Variants in KIF26B observed in about 807,000 individuals in gnomAD.
The protein encoded by KIF26B is kinesin family member 26B, also known as kinesin-like protein KIF26B.
KIF26B carries 63 observed loss-of-function variants against 151.2 expected under a neutral mutation model. The ratio of observed to expected loss-of-function variants is 0.42; its 90% CI spans 0.34 to 0.51. The LOEUF (loss-of-function observed/expected upper bound fraction) is 0.51, where lower values mean the gene tolerates loss of function less well. Ranked by LOEUF, KIF26B falls within the 20% of genes least tolerant of loss-of-function variation. The probability of loss-of-function intolerance (pLI) is 0.07; values close to 1 mark genes in which losing one functional copy is unlikely to be tolerated. For synonymous variants in KIF26B, 1,357 were observed against 1,262.1 expected (o/e 1.08, Z -1.59); for missense variants, 2,813 against 2,913.6 (o/e 0.97, Z 0.79).
intron 4 of KIF26B, among the ~76,000 whole-genome samples, chr1:245,508,694 G>A (rs965658164): frequency 6.6e-6 from 1 of 152,060 alleles, no homozygotes; most frequent in Non-Finnish European, 1.5e-5. Flanking sequence ...GTGTAAGTTC[G>A]CTCTTACTTT....
At chr1:245,683,386 G>A (rs1370396266) in intron 10 of KIF26B, among the ~76,000 whole-genome samples, 2 of 152,210 alleles carry the variant, frequency 1.3e-5, no homozygotes, top group South Asian at 2.1e-4. Context: ...TATGAGTGCT[G>A]TTGATGAAAT....
Position 245,239,553 on chromosome 1 carries a change from G to T in KIF26B, c.465+82870G>T, listed in dbSNP as rs1199603948. ...GAGTCTCTCTCTGTCGCCCAGGCTG[G>T]AGTGCAGTGGCGTGATCTCAGCTCA... On this transcript the variant is annotated intron_variant, in intron 2 of 14. Transcript: ENST00000407071. The surrounding 1 kb of genome is among the most constrained non-coding windows in gnomAD (Gnocchi z 4.3). Among the ~76,000 whole-genome samples the T allele has an allele frequency of 6.6e-6, 1 of 152,148 alleles. No homozygotes were observed. The highest frequency in any genetic ancestry group is 2.4e-5 in the African/African-American group (1 of 41,436).
At chr1:245,546,874 C>T (rs2103106380) in intron 5 of KIF26B, among the ~76,000 whole-genome samples, 1 of 152,364 alleles carries the variant, frequency 6.6e-6, no homozygotes, top group East Asian at 1.9e-4. Flanking sequence ...CATAGTTAAG[C>T]TTACGTAGAG....
chr1:245,548,745 C>CTTTT (rs34079894), intron 5 of KIF26B, among the ~76,000 whole-genome samples: 49,083 of 143,410 alleles, frequency 0.34, 8,286 homozygotes, highest in Middle Eastern at 0.4. Flanking sequence ...CATTTTGCAA[C>CTTTT]TTTTTTTTTT....
intron 3 of KIF26B, among the ~76,000 whole-genome samples, chr1:245,393,248 G>A (rs1349839672): frequency 1.3e-5 from 2 of 152,120 alleles, no homozygotes; most frequent in Non-Finnish European, 2.9e-5. Context: ...TAAATAATTG[G>A]TTGAGATGTT....
At chr1:245,472,992 C>T (rs531910970) in intron 4 of KIF26B, among the ~76,000 whole-genome samples, 4 of 152,368 alleles carry the variant, frequency 2.6e-5, no homozygotes, top group Admixed American at 2.6e-4. Flanking sequence ...CATTTGCTTT[C>T]TGTGTAGACA....
At chr1:245,243,018 G>T (rs1353260388) in intron 2 of KIF26B, among the ~76,000 whole-genome samples, 3 of 152,158 alleles carry the variant, frequency 2.0e-5, no homozygotes, top group African/African-American at 7.2e-5. Context: ...CTACAGTGCT[G>T]CTGTGTGCAT....
intron 2 of KIF26B, among the ~76,000 whole-genome samples, chr1:245,199,627 C>T (rs570373518): frequency 6.6e-5 from 10 of 152,136 alleles, no homozygotes; most frequent in East Asian, 5.8e-4. Context: ...TACAGGCATG[C>T]GCCACCATGC....
intron 4 of KIF26B, among the ~76,000 whole-genome samples, chr1:245,479,910 C>T (rs1255556286): frequency 2.6e-5 from 4 of 151,650 alleles, no homozygotes; most frequent in East Asian, 3.9e-4. Flanking sequence ...AACTAGGATT[C>T]GTGGATAAGG....
intron 5 of KIF26B, among the ~76,000 whole-genome samples, chr1:245,543,463 C>T (rs1471820312): frequency 7.0e-6 from 1 of 142,144 alleles, no homozygotes; most frequent in Non-Finnish European, 1.6e-5. Flanking sequence ...GCCCTGAGTT[C>T]ACCCATGAGA....
chr1:245,323,771 C>G (rs1019129962), intron 2 of KIF26B, among the ~76,000 whole-genome samples: 1 of 152,244 alleles, frequency 6.6e-6, no homozygotes, highest in African/African-American at 2.4e-5. Context: ...AAAGCATTTA[C>G]CAAGCTCCTA....
chr1:245,240,927 C>T (rs1284741656), intron 2 of KIF26B, among the ~76,000 whole-genome samples: 8 of 152,174 alleles, frequency 5.3e-5, no homozygotes, highest in Admixed American at 5.2e-4. Flanking sequence ...CCTCTGTGCC[C>T]TGAGCTCAAA....
intron 2 of KIF26B, among the ~76,000 whole-genome samples, chr1:245,287,435 C>T (rs531178257): frequency 1.0e-4 from 15 of 147,622 alleles, no homozygotes; most frequent in South Asian, 4.3e-4. Flanking sequence ...AATTATTGGT[C>T]GGATTGTGTA....
chr1:245,229,755 A>G (rs1012500873), intron 2 of KIF26B, among the ~76,000 whole-genome samples: 1 of 152,254 alleles, frequency 6.6e-6, no homozygotes, highest in African/African-American at 2.4e-5. Flanking sequence ...AGTGACTGTC[A>G]TCTGAATCTT....
chr1:245,679,185 C>T (rs940538706), intron 10 of KIF26B, among the ~76,000 whole-genome samples: 2 of 152,114 alleles, frequency 1.3e-5, no homozygotes, highest in Non-Finnish European at 2.9e-5. Flanking sequence ...CAAAAGTAGC[C>T]ACAGACACTA....
At chr1:245,607,847 C>T (rs779830923) in intron 7 of KIF26B, 103 bp downstream of exon 7, 13 of 883,126 alleles carry the variant, frequency 1.5e-5, no homozygotes, top group Non-Finnish European at 1.8e-5. Context: ...GGAAGGGCTG[C>T]GTTTCTCTTA....
In KIF26B at chr1:245,155,142, G is replaced by C. The variant is rs913204045; in HGVS notation, c.-283G>C. ...TGAAGAAAATGCCAGTTCTGTGGAT[G>C]TGGCCGTGACAAGAGGACGTGCGGC... On this transcript the variant is annotated 5_prime_UTR_variant, in exon 1 of 15. The change abolishes an upstream ATG in the 5' untranslated region. Transcript: ENST00000407071. 4 of 544,474 alleles carry C rather than the reference G, an allele frequency of 7.3e-6. No individual in the cohort carries two copies. The highest frequency in any genetic ancestry group is 1.3e-5 in the Non-Finnish European group (4 of 315,372). 33.7% of individuals were successfully genotyped at this position (544,474 alleles called of 1,614,324 possible).
At chr1:245,450,654 C>G (rs1243279803) in intron 4 of KIF26B, among the ~76,000 whole-genome samples, 1 of 152,080 alleles carries the variant, frequency 6.6e-6, no homozygotes, top group Non-Finnish European at 1.5e-5. Context: ...GGTGATGTTG[C>G]GCCTCTTGGG....
chr1:245,211,176 T>C (rs1359552238), intron 2 of KIF26B, among the ~76,000 whole-genome samples: 1 of 152,184 alleles, frequency 6.6e-6, no homozygotes, highest in Non-Finnish European at 1.5e-5. Flanking sequence ...AACCGGGATC[T>C]GGTTTGGCTG....
Sources: allele counts gnomAD v4.1 joint callset (sites outside exome capture counted in the v4.1 genomes callset), GRCh38; gene constraint gnomAD v4.1.1; non-coding constraint Gnocchi (gnomAD v3.1); transcripts MANE v1.5; gene names NCBI Gene and HGNC (gene_info 2026-07-23, HGNC 2026-07-21).